Variants in USP32 observed in about 807,000 individuals in gnomAD.
The protein encoded by USP32 is ubiquitin carboxyl-terminal hydrolase 32.
A neutral mutation model predicts 204.8 loss-of-function variants in USP32; 59 were observed. The ratio of observed to expected loss-of-function variants is 0.29; its 90% confidence interval spans 0.23 to 0.36. The LOEUF (loss-of-function observed/expected upper bound fraction) is 0.36, where lower values mean the gene tolerates loss of function less well. Among genes scored for constraint, USP32 ranks in the 10% least tolerant of loss-of-function variants. The pLI is 1.00. For missense variants in USP32, 1,160 were observed against 1,946.4 expected (o/e 0.60, Z 7.60); for synonymous variants, 517 against 678.4 (o/e 0.76, Z 3.70).
chr17:60,237,468 A>G (rs185190438), intron 11 of USP32, among the ~76,000 whole-genome samples: 16 of 152,244 alleles, frequency 1.1e-4, no homozygotes, highest in Admixed American at 4.6e-4. Flanking sequence ...AATTATTTTA[A>G]ATCATACAAT....
intron 5 of USP32, among the ~76,000 whole-genome samples, chr17:60,287,290 A>G (rs1195239657): frequency 6.6e-6 from 1 of 152,200 alleles, no homozygotes; most frequent in East Asian, 1.9e-4. Flanking sequence ...GAAAATTTTT[A>G]AATCTGTCTA....
chr17:60,201,133 C>T (rs962015035), intron 26 of USP32, among the ~76,000 whole-genome samples: 25 of 152,184 alleles, frequency 1.6e-4, no homozygotes, highest in Non-Finnish European at 2.6e-4. Flanking sequence ...GCTGAGATTA[C>T]AGGTGTGAGC....
intron 2 of USP32, among the ~76,000 whole-genome samples, chr17:60,317,130 T>A (rs2087999766): frequency 6.6e-6 from 1 of 151,932 alleles, no homozygotes; most frequent in Middle Eastern, 3.2e-3. Flanking sequence ...TTGAGAAAAA[T>A]GGAGTGATGA....
At position 60,336,525 on chromosome 17, in the gene USP32, C is replaced by T. The variant is rs1047593515; in HGVS notation, c.186+8956G>A. 4.5e-5 allele frequency among the ~76,000 whole-genome samples: 6 copies of T among 133,848 alleles called. No individual in the cohort carries two copies. In the South Asian group the frequency reaches 1.3e-3, roughly 30 times the overall value. 87.8% of individuals were successfully genotyped at this position (133,848 alleles called of 152,430 possible). A position where few individuals can be genotyped will look rare whatever the true frequency, so the allele number is the denominator to read the frequency against. Reference sequence around the variant, plus strand: ...GGTCAAGAGATCGAGACCATCCCGGCTAAAACGGTGAAACCCCGTCTCTAC... The same window carrying T: ...GGTCAAGAGATCGAGACCATCCCGGTTAAAACGGTGAAACCCCGTCTCTAC... On this transcript the variant is annotated intron_variant, in intron 2 of 33. Transcript: ENST00000300896.
intron 11 of USP32, among the ~76,000 whole-genome samples, chr17:60,250,905 G>A (rs1275284702): frequency 6.6e-6 from 1 of 150,642 alleles, no homozygotes; most frequent in African/African-American, 2.4e-5. Context: ...AAATAACCAT[G>A]CTGTTTTGCA....
chr17:60,416,323 A>G (rs1486293508), intron 1 of USP32, among the ~76,000 whole-genome samples: 1 of 152,184 alleles, frequency 6.6e-6, no homozygotes, highest in Admixed American at 6.6e-5. Flanking sequence ...TACAACAAGA[A>G]TTTCGTGAGT....
chr17:60,416,262 G>A (rs947768348), intron 1 of USP32, among the ~76,000 whole-genome samples: 12 of 152,186 alleles, frequency 7.9e-5, no homozygotes, highest in South Asian at 2.1e-4. Flanking sequence ...GAGGGAAAGC[G>A]TAAGCAGTAG....
At chr17:60,334,199 AATTT>A in intron 2 of USP32, among the ~76,000 whole-genome samples, 1 of 152,154 alleles carries the variant, frequency 6.6e-6, no homozygotes, top group African/African-American at 2.4e-5. Flanking sequence ...TATTACAGTT[AATTT>A]TATGCAGTTA....
intron 5 of USP32, among the ~76,000 whole-genome samples, chr17:60,276,513 C>T (rs371170528): frequency 1.3e-5 from 2 of 152,120 alleles, no homozygotes; most frequent in African/African-American, 2.4e-5. Context: ...AGTAGATCAG[C>T]ATACAAAAAA....
intron 5 of USP32, among the ~76,000 whole-genome samples, chr17:60,274,606 G>C (rs892921711): frequency 6.6e-6 from 1 of 151,966 alleles, no homozygotes; most frequent in Non-Finnish European, 1.5e-5. Context: ...GAAAGCAACA[G>C]GGAAGAAGTA....
intron 1 of USP32, among the ~76,000 whole-genome samples, chr17:60,364,147 C>A (rs968273655): frequency 6.6e-6 from 1 of 152,094 alleles, no homozygotes; most frequent in Non-Finnish European, 1.5e-5. Flanking sequence ...ATAAATGGTA[C>A]CTTCTGTGTC....
intron 1 of USP32, among the ~76,000 whole-genome samples, chr17:60,382,720 T>C (rs2146117995): frequency 6.6e-6 from 1 of 152,300 alleles, no homozygotes; most frequent in East Asian, 1.9e-4. Flanking sequence ...AGTAGGATAA[T>C]ACTTGTCATC....
chr17:60,234,703 C>T (rs2085673418), intron 12 of USP32, among the ~76,000 whole-genome samples: 1 of 151,688 alleles, frequency 6.6e-6, no homozygotes, highest in Non-Finnish European at 1.5e-5. Flanking sequence ...GCACTCCAGC[C>T]TGGGCGACAA....
At chr17:60,291,940 T>C (rs1231232083) in intron 4 of USP32, among the ~76,000 whole-genome samples, 1 of 151,702 alleles carries the variant, frequency 6.6e-6, no homozygotes, top group Non-Finnish European at 1.5e-5. Context: ...ATTCCACTCT[T>C]CCTATCACCA....
intron 15 of USP32, among the ~76,000 whole-genome samples, chr17:60,222,024 G>A (rs1245409268): frequency 6.6e-6 from 1 of 152,102 alleles, no homozygotes; most frequent in Non-Finnish European, 1.5e-5. Flanking sequence ...GCTACAAGAA[G>A]AATCCAATCC....
intron 26 of USP32, among the ~76,000 whole-genome samples, chr17:60,202,640 A>G (rs1208072487): frequency 6.6e-6 from 1 of 151,980 alleles, no homozygotes; most frequent in African/African-American, 2.4e-5. Flanking sequence ...TATTTTCTAT[A>G]TAGATGTCTT....
At chr17:60,362,994 T>A (rs1272929698) in intron 1 of USP32, among the ~76,000 whole-genome samples, 1 of 152,076 alleles carries the variant, frequency 6.6e-6, no homozygotes, top group East Asian at 1.9e-4. Context: ...ATTTTACTCT[T>A]TAAAAAGAAT....
intron 3 of USP32, among the ~76,000 whole-genome samples, chr17:60,297,613 G>A (rs890495400): frequency 5.3e-5 from 8 of 151,734 alleles, no homozygotes; most frequent in African/African-American, 1.7e-4. Context: ...GCTAATTTTT[G>A]TATTTTTAGT....
intron 1 of USP32, among the ~76,000 whole-genome samples, chr17:60,373,312 T>C (rs1179856076): frequency 2.0e-5 from 3 of 152,042 alleles, no homozygotes. Context: ...TAGGGGTGAG[T>C]CAATGTTGAA....
Sources: allele counts gnomAD v4.1 joint callset (sites outside exome capture counted in the v4.1 genomes callset), GRCh38; gene constraint gnomAD v4.1.1; transcripts MANE v1.5; gene names NCBI Gene and HGNC (gene_info 2026-07-23, HGNC 2026-07-21).